IQCM: variants seen among roughly 807,000 people sequenced by gnomAD.
The protein encoded by IQCM is IQ domain-containing protein M.
A neutral mutation model predicts 57.6 loss-of-function variants in IQCM; 45 were observed. The observed-to-expected ratio is 0.78, with a 90% CI of 0.62 to 1.00. IQCM has a LOEUF of 1.00. IQCM is among the 50% of genes least tolerant of loss of function. The pLI is 0.00. For synonymous variants in IQCM, 148 were observed against 158.9 expected (o/e 0.93, Z 0.51); for missense variants, 468 against 511.6 (o/e 0.91, Z 0.82).
At chr4:149,383,221 A>G (rs980423264) in intron 13 of IQCM, among the ~76,000 whole-genome samples, 6 of 152,186 alleles carry the variant, frequency 3.9e-5, no homozygotes, top group Non-Finnish European at 5.9e-5. Flanking sequence ...GACACTTTAA[A>G]TAATGATATG....
intron 13 of IQCM, among the ~76,000 whole-genome samples, chr4:149,388,343 T>C (rs939977286): frequency 5.9e-5 from 9 of 151,486 alleles, no homozygotes; most frequent in Middle Eastern, 6.8e-3. Flanking sequence ...TCATCATGGA[T>C]ATATGAATAC....
chr4:149,582,682 G>A (rs2149989328), intron 9 of IQCM, among the ~76,000 whole-genome samples: 1 of 151,530 alleles, frequency 6.6e-6, no homozygotes, highest in African/African-American at 2.4e-5. Context: ...ATTCTGCAAA[G>A]ACAGAACACA....
At chr4:149,570,876 G>T (rs1392345356) in intron 9 of IQCM, among the ~76,000 whole-genome samples, 2 of 151,952 alleles carry the variant, frequency 1.3e-5, no homozygotes, top group East Asian at 1.9e-4. Context: ...CATACAAATT[G>T]CCAAAACATA....
rs1765046629 is a variant in IQCM, at chr4:149,716,851, G to C, written c.385+16393C>G. The stretch of plus-strand genomic sequence containing the variant: ...AATCCTTTAGGTTCTTTGGAAAGGA[G>C]AGAAGGGCTGGAAATTGAGTTAATA... On this transcript the variant is annotated intron_variant, in intron 5 of 13. Transcript: ENST00000636793. 2.0e-5 allele frequency among the ~76,000 whole-genome samples: 3 copies of C among 152,148 alleles called. No individual in the cohort carries two copies. The South Asian group carries it at 6.2e-4, about 31-fold the overall frequency.
chr4:149,804,769 T>C (rs1773921049), intron 2 of IQCM, among the ~76,000 whole-genome samples: 1 of 152,096 alleles, frequency 6.6e-6, no homozygotes. Flanking sequence ...ACATGTGAGA[T>C]AAACAGTTGT....
intron 12 of IQCM, among the ~76,000 whole-genome samples, chr4:149,482,651 A>G (rs1404958296): frequency 1.3e-5 from 2 of 151,654 alleles, no homozygotes; most frequent in African/African-American, 2.4e-5. Context: ...ATGAATAATC[A>G]TTACAACTTA....
At chr4:149,417,793 C>A (rs370101855) in intron 13 of IQCM, among the ~76,000 whole-genome samples, 3 of 149,910 alleles carry the variant, frequency 2.0e-5, no homozygotes, top group African/African-American at 7.4e-5. Flanking sequence ...CCAAATGCAA[C>A]AAAAGCATTC....
At chr4:149,584,130 A>T (rs1241891533) in intron 9 of IQCM, among the ~76,000 whole-genome samples, 1 of 151,496 alleles carries the variant, frequency 6.6e-6, no homozygotes, top group South Asian at 2.1e-4. Context: ...TATTTTATTT[A>T]AAAAACAGAA....
chr4:149,491,629 A>G (rs1405866291), intron 12 of IQCM, among the ~76,000 whole-genome samples: 2 of 152,096 alleles, frequency 1.3e-5, no homozygotes, highest in South Asian at 2.1e-4. Flanking sequence ...CATTATGTAC[A>G]TATAAGATTT....
At chr4:149,545,823 T>G (rs928984217) in intron 12 of IQCM, among the ~76,000 whole-genome samples, 2 of 152,142 alleles carry the variant, frequency 1.3e-5, no homozygotes, top group Non-Finnish European at 2.9e-5. Context: ...GTGGTATTTT[T>G]TTTTTATTAT....
chr4:149,471,901 G>A (rs1401049487), intron 12 of IQCM, among the ~76,000 whole-genome samples: 1 of 152,094 alleles, frequency 6.6e-6, no homozygotes, highest in Non-Finnish European at 1.5e-5. Context: ...TGCAGAAAAG[G>A]CCTTCGACAA....
intron 8 of IQCM, among the ~76,000 whole-genome samples, chr4:149,605,570 G>A (rs904845887): frequency 8.5e-5 from 13 of 152,112 alleles, no homozygotes; most frequent in African/African-American, 2.9e-4. Context: ...CAATAGTAGG[G>A]TTATTATCTA....
intron 12 of IQCM, among the ~76,000 whole-genome samples, chr4:149,490,832 C>T (rs748243448): frequency 1.2e-4 from 19 of 152,072 alleles, no homozygotes; most frequent in South Asian, 2.1e-4. Flanking sequence ...TCCTTGGTAA[C>T]GCTAATCACA....
chr4:149,789,986 T>G, intron 2 of IQCM: 1 of 337,650 alleles, frequency 3.0e-6, no homozygotes, highest in African/African-American at 2.2e-5. Context: ...GAAGAGAAGA[T>G]ACTCAGAAAC....
intron 7 of IQCM, among the ~76,000 whole-genome samples, chr4:149,679,179 C>T (rs924047828): frequency 6.6e-6 from 1 of 151,518 alleles, no homozygotes; most frequent in Non-Finnish European, 1.5e-5. Flanking sequence ...ATATTATGCA[C>T]AATGAAATAT....
chr4:149,731,562 C>T (rs1766461155), intron 5 of IQCM, among the ~76,000 whole-genome samples: 1 of 152,214 alleles, frequency 6.6e-6, no homozygotes, highest in Non-Finnish European at 1.5e-5. Flanking sequence ...GTTTCTCAGT[C>T]TAGAAGCCTC....
chr4:149,374,778 C>A (rs981708661), intron 13 of IQCM, among the ~76,000 whole-genome samples: 1 of 152,082 alleles, frequency 6.6e-6, no homozygotes, highest in African/African-American at 2.4e-5. Flanking sequence ...TCACCTTTTA[C>A]CACTGTGGTT....
chr4:149,422,019 A>G (rs1734153919), intron 13 of IQCM, among the ~76,000 whole-genome samples: 1 of 152,026 alleles, frequency 6.6e-6, no homozygotes, highest in Admixed American at 6.6e-5. Context: ...ACTGACAGTC[A>G]AACAATACAG....
chr4:149,531,261 C>T (rs1746721642), intron 12 of IQCM, among the ~76,000 whole-genome samples: 1 of 152,150 alleles, frequency 6.6e-6, no homozygotes, highest in Admixed American at 6.6e-5. Context: ...ACCTCTTAAG[C>T]ATCTGTATGG....
Sources: allele counts gnomAD v4.1 joint callset (sites outside exome capture counted in the v4.1 genomes callset), GRCh38; gene constraint gnomAD v4.1.1; transcripts MANE v1.5; gene names NCBI Gene and HGNC (gene_info 2026-07-23, HGNC 2026-07-21).